INPP5B: variants seen among roughly 807,000 people sequenced by gnomAD.
INPP5B encodes inositol polyphosphate-5-phosphatase B.
INPP5B carries 90 observed loss-of-function variants against 118.5 expected under a neutral mutation model. The observed-to-expected ratio is 0.76, with a 90% CI of 0.64 to 0.90. INPP5B has a LOEUF of 0.90. Ranked by LOEUF, INPP5B falls within the 40% of genes least tolerant of loss-of-function variation. INPP5B has a pLI of 0.00. For missense variants in INPP5B, 984 were observed against 1,125.6 expected, an observed-to-expected ratio of 0.87 and a Z score of 1.80; for synonymous variants, 385 against 418.9, an observed-to-expected ratio of 0.92 and a Z score of 0.99.
intron 5 of INPP5B, chr1:37,941,958 A>AAAAATATATATATAT (rs1427344681): frequency 9.9e-5 from 3 of 30,382 alleles, no homozygotes; most frequent in Admixed American, 3.0e-4. Context: ...AAAAAAAAAA[A>AAAAATATATATATAT]ATATATATAT....
In INPP5B at chr1:37,868,403, C is replaced by T. The variant is rs1262353596; in HGVS notation, c.2301+98G>A. The T allele has an allele frequency of 5.5e-6, 4 of 722,270 alleles. No homozygotes were observed. The African/African-American group carries it at 7.0e-5, about 13-fold the overall frequency. The allele number at this position is 722,270 out of a possible 1,614,324, so 44.7% of individuals were successfully genotyped here. A position where few individuals can be genotyped will look rare whatever the true frequency, so the allele number is the denominator to read the frequency against. On this transcript the variant is annotated intron_variant, in intron 20 of 23. Coordinates refer to ENST00000373024, the MANE Select transcript of INPP5B (RefSeq NM_005540.3). ...CTTCCTCCCCTCCCTGGGTGAAGAA[C>T]AGTTCTCCACAGTTTCCTTATGAAA...
At position 37,864,391 on chromosome 1, in the gene INPP5B, A is replaced by G. The variant is rs1040660725; in HGVS notation, c.2547T>C (p.Asn849=). ...VISTLPIFHK[N]VFHYLMAFLR... is the part of the protein sequence containing the mutation. ...AAAACGCCATCAAGTAGTGGAAGAC[A>G]TTTTTGTGGAATATGGGGAGAGTAG... Residue 849 remains asparagine, a synonymous_variant, in exon 23 of 24, where the codon AAT becomes AAC. Transcript: ENST00000373024. 6.2e-7 allele frequency: 1 copy of G among 1,612,710 alleles called. No homozygotes were observed. The highest frequency in any genetic ancestry group is 2.2e-5 in the East Asian group (1 of 44,866).
chr1:37,871,002 A>C (rs1642383145), intron 19 of INPP5B, among the ~76,000 whole-genome samples: 1 of 151,008 alleles, frequency 6.6e-6, no homozygotes, highest in Non-Finnish European at 1.5e-5. Context: ...TAAAAATATA[A>C]AAAAATTAGC....
intron 17 of INPP5B, among the ~76,000 whole-genome samples, chr1:37,875,369 C>T (rs1557629844): frequency 1.3e-5 from 2 of 152,096 alleles, no homozygotes; most frequent in Non-Finnish European, 2.9e-5. Flanking sequence ...CCCAGGTTCA[C>T]GTCATTCTCC....
Position 37,862,389 on chromosome 1 carries a change from G to A in INPP5B, c.2668C>T (p.His890Tyr), listed in dbSNP as rs373776316. The A allele has an allele frequency of 1.2e-6, 2 of 1,613,750 alleles. No individual in the cohort carries two copies. Among genetic ancestry groups the A allele is most frequent in the Non-Finnish European group, 1.7e-6 (2 of 1,179,816 alleles). The change falls in exon 24 of 24, where the codon CAC becomes TAC. Residue 890 changes from histidine to tyrosine, a missense_variant. By Grantham distance (83) the His-to-Tyr change is moderately conservative. Coordinates refer to ENST00000373024, the MANE Select transcript of INPP5B (RefSeq NM_005540.3). ...TTCTCTGTCATATCAAGCTTTTGGT[G>A]ACCAGCTGGGTTTCGAAGCAATAAG... ...GSLLLRNPAGHQKLDMTEKKK... is the reference protein window; with the variant it reads ...GSLLLRNPAGYQKLDMTEKKK...
intron 7 of INPP5B, among the ~76,000 whole-genome samples, chr1:37,916,485 C>T (rs1469051247): frequency 6.7e-6 from 1 of 149,294 alleles, no homozygotes; most frequent in Non-Finnish European, 1.5e-5. Context: ...GGCACGATCT[C>T]GGCTCACCAC....
intron 6 of INPP5B, among the ~76,000 whole-genome samples, chr1:37,938,565 G>A (rs1043870335): frequency 6.6e-6 from 1 of 152,148 alleles, no homozygotes; most frequent in African/African-American, 2.4e-5. Context: ...TCAGAGAGGT[G>A]AAGTAGCTTG....
chr1:37,922,244 C>CCAGA (rs1645082868), intron 7 of INPP5B, among the ~76,000 whole-genome samples: 2 of 151,750 alleles, frequency 1.3e-5, no homozygotes, highest in Admixed American at 6.6e-5. Flanking sequence ...TAAAAGTTAG[C>CCAGA]CAGACATGGT....
chr1:37,884,748 G>C (rs1408222528), intron 13 of INPP5B, among the ~76,000 whole-genome samples: 1 of 151,894 alleles, frequency 6.6e-6, no homozygotes, highest in Non-Finnish European at 1.5e-5. Flanking sequence ...TCAGGAGTTT[G>C]AGACCAGCCT....
At position 37,891,842 on chromosome 1, in the gene INPP5B, G is replaced by C. The variant is rs749387083; in HGVS notation, c.533-388C>G. ...CATATGCTTTAATATACAGACAACA[G>C]CTTCGGAAATTGTAGTCTAGGAATT... On this transcript the variant is annotated intron_variant, in intron 7 of 23. Transcript: ENST00000373024. Among the ~76,000 whole-genome samples the C allele has an allele frequency of 2.2e-4, 34 of 152,144 alleles. 1 individual carries two copies. Among genetic ancestry groups the C allele is most frequent in the Non-Finnish European group, 4.6e-4 (31 of 68,038 alleles).
rs143683446 is a variant in INPP5B at position 37,871,508 on chromosome 1, C to T, written c.2187+1422G>A. ...AAAGGCCAGGCGTGGTGGCTTACAC[C>T]TGCAATCCCAACACTTTGGAAAGCT... On this transcript the variant is annotated intron_variant, in intron 19 of 23. Transcript: ENST00000373024. Among the ~76,000 whole-genome samples, 202 of 147,614 alleles carry T rather than the reference C, an allele frequency of 1.4e-3. 3 individuals are homozygous for T. The East Asian group carries it at 0.022, about 16-fold the overall frequency.
At chr1:37,873,256 G>A (rs1570003802) in intron 18 of INPP5B, 91 bp from the exon 19 acceptor site, 2 of 901,746 alleles carry the variant, frequency 2.2e-6, no homozygotes. Flanking sequence ...AGGCATAAAG[G>A]GTTAGGAAAA....
At position 37,906,343 on chromosome 1, in the gene INPP5B, C is replaced by A. The variant is rs545513768; in HGVS notation, c.533-14889G>T. On this transcript the variant is annotated intron_variant, in intron 7 of 23. Coordinates refer to ENST00000373024, the MANE Select transcript of INPP5B (RefSeq NM_005540.3). Reference sequence around the variant, plus strand: ...ACTTACAGGTACTTCAGGATACAAACCCATGGCTGGGCTCAGCTTTAAAAA... The same window carrying A: ...ACTTACAGGTACTTCAGGATACAAAACCATGGCTGGGCTCAGCTTTAAAAA... Among the ~76,000 whole-genome samples the A allele has an allele frequency of 5.9e-5, 9 of 152,286 alleles. No individual in the cohort carries two copies. In the South Asian group the frequency reaches 1.4e-3, roughly 25 times the overall value.
intron 7 of INPP5B, among the ~76,000 whole-genome samples, chr1:37,901,125 T>C (rs933151706): frequency 3.9e-5 from 6 of 152,218 alleles, no homozygotes; most frequent in Non-Finnish European, 7.3e-5. Context: ...TTAAATCTTA[T>C]ATTTATTCAT....
In INPP5B at chr1:37,891,412, A is replaced by T; in HGVS notation, c.575T>A (p.Val192Glu). The T allele has an allele frequency of 1.2e-6, 2 of 1,613,798 alleles. No individual in the cohort carries two copies. The highest frequency in any genetic ancestry group is 1.7e-6 in the Non-Finnish European group (2 of 1,179,914). ...FDGLRPNGKG[V>E]PMDQSSRGQD... ...ACCCCTGGAGCTTTGGTCCATAGGC[A>T]CTCCCTTCCCATTTGGTCTCAAACC... Residue 192 changes from valine (V) to glutamate (E), a missense_variant, in exon 8 of 24, where the codon GTG (valine) becomes GAG (glutamate). By Grantham distance (121) the Val-to-Glu change is moderately radical. This residue lies in a region of INPP5B where 350 missense variants were observed against 334.6 expected (regional missense o/e 1.05). Transcript: ENST00000373024.
intron 7 of INPP5B, among the ~76,000 whole-genome samples, chr1:37,910,865 C>T (rs192712461): frequency 6.6e-6 from 1 of 152,276 alleles, no homozygotes; most frequent in African/African-American, 2.4e-5. Flanking sequence ...CTCAATACCT[C>T]CCTCCACAAC....
rs1356125551 is a variant in INPP5B at position 37,861,325 on chromosome 1, A to G, written c.*990T>C. ...CTTCTGCCTGCATTCTTGCCATCCAACTCATTGGCCTTTCAGGACTTTCCA... is the reference window on the plus strand; with the variant it reads ...CTTCTGCCTGCATTCTTGCCATCCAGCTCATTGGCCTTTCAGGACTTTCCA... On this transcript the variant is annotated 3_prime_UTR_variant, in exon 24 of 24. Coordinates refer to ENST00000373024, the MANE Select transcript of INPP5B (RefSeq NM_005540.3). 6.6e-6 allele frequency: 1 copy of G among 152,092 alleles called. No individual in the cohort carries two copies. Among genetic ancestry groups the G allele is most frequent in the African/African-American group, 2.4e-5 (1 of 41,374 alleles). The allele number at this position is 152,092 out of a possible 1,614,324, so 9.4% of individuals were successfully genotyped here.
chr1:37,861,928 C>T lies in INPP5B; in HGVS notation c.*387G>A, dbSNP rs900242137. 4.2e-5 allele frequency: 7 copies of T among 167,574 alleles called. No individual in the cohort carries two copies. Among genetic ancestry groups the T allele is most frequent in the South Asian group, 1.4e-4 (1 of 6,972 alleles). 10.4% of individuals were successfully genotyped at this position (167,574 alleles called of 1,614,324 possible). On this transcript the variant is annotated 3_prime_UTR_variant, in exon 24 of 24. Transcript: ENST00000373024. Reference sequence around the variant, plus strand: ...GTGTGTGCCTGCAGTCCCAGCTACTCGGGAGGCTGAGGCAGGATAATTGCT... The same window carrying T: ...GTGTGTGCCTGCAGTCCCAGCTACTTGGGAGGCTGAGGCAGGATAATTGCT...
At chr1:37,930,197 A>G (rs1390687866) in intron 7 of INPP5B, 1 of 152,198 alleles carries the variant, frequency 6.6e-6, no homozygotes, top group Non-Finnish European at 1.5e-5. Context: ...GGCTGGGACT[A>G]CAGGTACGCG....
Sources: gnomAD v4.1 joint callset for allele counts (sites outside exome capture counted in the v4.1 genomes callset) on GRCh38, gnomAD v4.1.1 for gene constraint, gnomAD v4.1.1 regional missense constraint, MANE v1.5 for transcripts, NCBI Gene and HGNC (gene_info 2026-07-23, HGNC 2026-07-21) for gene names.